Variants in LINGO2 observed in about 807,000 individuals in gnomAD.
LINGO2 encodes the protein leucine-rich repeat and immunoglobulin-like domain-containing nogo receptor-interacting protein 2.
A neutral mutation model predicts 30.6 loss-of-function variants in LINGO2; 14 were observed. The ratio of observed to expected loss-of-function variants is 0.46; its 90% CI spans 0.30 to 0.72. The LOEUF is 0.72. LINGO2 is among the 30% of genes least tolerant of loss of function. The pLI is 0.07. For synonymous variants in LINGO2, 317 were observed against 288.5 expected (o/e 1.10, Z -1.00); for missense variants, 729 against 751.7 (o/e 0.97, Z 0.35).
At chr9:28,025,671 C>G (rs1468625761) in intron 4 of LINGO2, among the ~76,000 whole-genome samples, 1 of 152,146 alleles carries the variant, frequency 6.6e-6, no homozygotes, top group African/African-American at 2.4e-5. Context: ...CAGTTTAAAA[C>G]TCATACTCTA....
the LINGO2 span, among the ~76,000 whole-genome samples, chr9:29,131,673 A>G: frequency 3.3e-5 from 5 of 152,118 alleles, no homozygotes; most frequent in African/African-American, 1.2e-4. Context: ...CATTTTGGTC[A>G]GGCCCTTGGA....
chr9:28,857,206 G>T, the LINGO2 span, among the ~76,000 whole-genome samples: 2 of 151,880 alleles, frequency 1.3e-5, no homozygotes, highest in African/African-American at 4.8e-5. Context: ...TGAAGCCCTT[G>T]GAACAGATAG....
chr9:28,476,949 T>C (rs981951905), intron 1 of LINGO2, among the ~76,000 whole-genome samples: 1 of 152,210 alleles, frequency 6.6e-6, no homozygotes, highest in African/African-American at 2.4e-5. Flanking sequence ...TTTTCAGGAT[T>C]AGAATATGAC....
intron 4 of LINGO2, among the ~76,000 whole-genome samples, chr9:28,282,476 T>G (rs138129984): frequency 1.3e-5 from 2 of 152,186 alleles, no homozygotes; most frequent in East Asian, 1.9e-4. Context: ...AGAATTCTAT[T>G]TGATGAAAGA....
the LINGO2 span, among the ~76,000 whole-genome samples, chr9:29,099,431 T>A: frequency 6.6e-6 from 1 of 151,858 alleles, no homozygotes; most frequent in Admixed American, 6.6e-5. Flanking sequence ...AAACAATCAA[T>A]GTAGTGAAGA....
At chr9:28,308,040 A>G (rs1392927670) in intron 3 of LINGO2, among the ~76,000 whole-genome samples, 1 of 150,356 alleles carries the variant, frequency 6.7e-6, no homozygotes, top group Non-Finnish European at 1.5e-5. Context: ...CATCCCCATC[A>G]AGCTACCAAT....
At chr9:28,820,999 C>T in the LINGO2 span, among the ~76,000 whole-genome samples, 1 of 152,222 alleles carries the variant, frequency 6.6e-6, no homozygotes, top group Non-Finnish European at 1.5e-5. Context: ...ATTAACAATG[C>T]ACAGCTTCCT....
intron 1 of LINGO2, among the ~76,000 whole-genome samples, chr9:28,584,984 C>T (rs1258353176): frequency 8.7e-5 from 2 of 22,886 alleles, no homozygotes; most frequent in Non-Finnish European, 1.9e-4. Flanking sequence ...GTCGCCCAGG[C>T]TGGAGTGCAG....
At chr9:29,137,359 A>G in the LINGO2 span, among the ~76,000 whole-genome samples, 6 of 152,318 alleles carry the variant, frequency 3.9e-5, no homozygotes, top group African/African-American at 4.8e-5. Flanking sequence ...ACAAGGCACT[A>G]TCATACACAT....
chr9:29,084,159 G>A, the LINGO2 span, among the ~76,000 whole-genome samples: 1 of 150,908 alleles, frequency 6.6e-6, no homozygotes, highest in East Asian at 2.0e-4. Flanking sequence ...CATGACAAAG[G>A]TGTCTTTCAA....
chr9:28,148,306 G>A lies in LINGO2; in HGVS notation c.-86-135901C>T, dbSNP rs1256750565. On this transcript the variant is annotated intron_variant, in intron 4 of 5. Transcript: ENST00000379992. The surrounding 1 kb of genome is among the most constrained non-coding windows in gnomAD (Gnocchi z 5.1). ...CCGCCTCAAGGAAGAAACCCATGCT[G>A]TCTGCTCACAACTCCAGGATGTTTG... 8.4e-6 allele frequency: 7 copies of A among 830,310 alleles called. No individual in the cohort carries two copies. Among genetic ancestry groups the A allele is most frequent in the South Asian group, 4.4e-5 (3 of 68,524 alleles). 51.4% of individuals were successfully genotyped at this position (830,310 alleles called of 1,614,324 possible).
chr9:29,090,694 C>G, the LINGO2 span, among the ~76,000 whole-genome samples: 1 of 151,862 alleles, frequency 6.6e-6, no homozygotes, highest in Non-Finnish European at 1.5e-5. Flanking sequence ...AATAACAACC[C>G]AGAAATTTCA....
At chr9:28,384,457 A>C (rs186046053) in intron 2 of LINGO2, among the ~76,000 whole-genome samples, 268 of 151,384 alleles carry the variant, frequency 1.8e-3, no homozygotes, top group African/African-American at 6.1e-3. Flanking sequence ...ATACGTTTTG[A>C]TATACTTCAT....
chr9:28,796,474 C>T, the LINGO2 span, among the ~76,000 whole-genome samples: 1 of 151,992 alleles, frequency 6.6e-6, no homozygotes, highest in African/African-American at 2.4e-5. Flanking sequence ...ATGGCAAGCA[C>T]AGCCTATATA....
chr9:28,442,318 AG>A (rs1824231430), intron 2 of LINGO2, among the ~76,000 whole-genome samples: 1 of 152,016 alleles, frequency 6.6e-6, no homozygotes. Flanking sequence ...AACCACTTTA[AG>A]TTTTTGGTTT....
the LINGO2 span, among the ~76,000 whole-genome samples, chr9:29,208,853 T>C: frequency 3.3e-5 from 5 of 152,136 alleles, no homozygotes; most frequent in African/African-American, 1.2e-4. Flanking sequence ...GCTTTTTCTA[T>C]TTATTCATGC....
chr9:28,423,910 A>G (rs1254091532), intron 2 of LINGO2, among the ~76,000 whole-genome samples: 1 of 152,136 alleles, frequency 6.6e-6, no homozygotes, highest in African/African-American at 2.4e-5. Flanking sequence ...TTAATTTCAG[A>G]AACAGCTACA....
chr9:28,026,431 A>C (rs1823379354), intron 4 of LINGO2, among the ~76,000 whole-genome samples: 1 of 152,166 alleles, frequency 6.6e-6, no homozygotes, highest in African/African-American at 2.4e-5. Flanking sequence ...CTGGGCCCCT[A>C]GAGTTTCTTC....
the LINGO2 span, among the ~76,000 whole-genome samples, chr9:28,744,784 G>A: frequency 5.3e-5 from 8 of 151,370 alleles, no homozygotes; most frequent in Non-Finnish European, 8.8e-5. Context: ...CTACATGTGC[G>A]TGCCACCATG....
Sources: allele counts gnomAD v4.1 joint callset (sites outside exome capture counted in the v4.1 genomes callset), GRCh38; gene constraint gnomAD v4.1.1; non-coding constraint Gnocchi (gnomAD v3.1); transcripts MANE v1.5; gene names NCBI Gene and HGNC (gene_info 2026-07-23, HGNC 2026-07-21).